TECTA: variants seen among roughly 807,000 people sequenced by gnomAD.
TECTA encodes tectorin alpha, also known as alpha-tectorin.
A neutral mutation model predicts 216.8 loss-of-function variants in TECTA; 128 were observed. The ratio of observed to expected loss-of-function variants is 0.59; its 90% CI spans 0.51 to 0.68. The LOEUF is 0.68. TECTA is among the 30% of genes least tolerant of loss of function. The pLI, the probability that TECTA is intolerant of heterozygous loss-of-function variation, is 0.00. For missense variants in TECTA, 2,551 were observed against 2,786.2 expected, an observed-to-expected ratio of 0.92 and a Z score of 1.90; for synonymous variants, 1,089 against 1,117.1, an observed-to-expected ratio of 0.97 and a Z score of 0.50.
chr11:121,115,612 G>A (rs1429903022), intron 6 of TECTA, among the ~76,000 whole-genome samples: 4 of 152,058 alleles, frequency 2.6e-5, no homozygotes, highest in African/African-American at 9.7e-5. Context: ...GGAGGCCTCG[G>A]GGTTCTTTCT....
intron 20 of TECTA, among the ~76,000 whole-genome samples, chr11:121,174,990 T>A (rs921807037): frequency 6.6e-6 from 1 of 152,210 alleles, no homozygotes; most frequent in Admixed American, 6.5e-5. Flanking sequence ...GAGCTGTTTG[T>A]AGTATTCTCT....
In TECTA at chr11:121,168,255, A is replaced by C. The variant is rs56093417; in HGVS notation, c.5750+38A>C. The C allele has an allele frequency of 4.2e-3, 6,844 of 1,613,218 alleles. 32 individuals carry two copies. Among genetic ancestry groups the C allele is most frequent in the Middle Eastern group, 9.6e-3 (58 of 6,014 alleles). On this transcript the variant is annotated intron_variant, in intron 19 of 23. Transcript: ENST00000392793. ...CTGGGCTGTGCACATTGCTTTTTCTATTCCTTGACAGTTAAGGTTAGCATA... is the reference window on the plus strand; with the variant it reads ...CTGGGCTGTGCACATTGCTTTTTCTCTTCCTTGACAGTTAAGGTTAGCATA...
intron 10 of TECTA, among the ~76,000 whole-genome samples, chr11:121,131,039 CCT>C (rs1483057696): frequency 6.6e-6 from 1 of 151,392 alleles, no homozygotes; most frequent in African/African-American, 2.4e-5. Flanking sequence ...ATGGGGAAAC[CCT>C]GTCTCTACTA....
chr11:121,146,538 A>G (rs931519862), intron 12 of TECTA, among the ~76,000 whole-genome samples: 17 of 152,206 alleles, frequency 1.1e-4, no homozygotes, highest in African/African-American at 4.1e-4. Context: ...TTTGATTCAT[A>G]TATGTCATGT....
rs150540933 is a variant in TECTA, at chr11:121,106,265, C to T, written c.198+301C>T. On this transcript the variant is annotated intron_variant, in intron 3 of 23. Transcript: ENST00000392793. ...CATGAATGTTATTTCTGCTACTCAA[C>T]GAGATAAAAAGATACAATGAACCAC... Among the ~76,000 whole-genome samples, 280 of 152,268 alleles carry T rather than the reference C, an allele frequency of 1.8e-3. 1 individual carries two copies. The highest frequency in any genetic ancestry group is 6.1e-3 in the African/African-American group (255 of 41,542).
chr11:121,128,904 C>T (rs940675844), intron 9 of TECTA, among the ~76,000 whole-genome samples: 1 of 152,188 alleles, frequency 6.6e-6, no homozygotes, highest in Non-Finnish European at 1.5e-5. Context: ...CTTATAGATC[C>T]TTAGCTCTAG....
In TECTA at chr11:121,145,882, G is replaced by A; in HGVS notation, c.3871G>A (p.Val1291Met). The change falls in exon 12 of 24, where the codon GTG (valine) becomes ATG (methionine). Residue 1291 changes from valine to methionine, a missense_variant. By Grantham distance (21) the Val-to-Met change is conservative (BLOSUM62 1). This residue lies in a region of TECTA where 2,375 missense variants were observed against 2,563.9 expected (regional missense o/e 0.93). Coordinates refer to ENST00000392793, the MANE Select transcript of TECTA (RefSeq NM_005422.4). ...GGACCGCTGTCCGTCCTGTGCCAAGGTGGAAGGTTTCTCCAAAGTGCAGCA... is the reference window on the plus strand; with the variant it reads ...GGACCGCTGTCCGTCCTGTGCCAAGATGGAAGGTTTCTCCAAAGTGCAGCA... ...CGDRCPSCAK[V>M]EGFSKVQQLC... is the part of the protein sequence containing the mutation. 2 of 1,614,256 alleles carry A rather than the reference G, an allele frequency of 1.2e-6. No homozygotes were observed. Among genetic ancestry groups the A allele is most frequent in the Non-Finnish European group, 1.7e-6 (2 of 1,180,050 alleles).
chr11:121,152,236 T>G (rs1315634117), intron 12 of TECTA, among the ~76,000 whole-genome samples: 2 of 152,226 alleles, frequency 1.3e-5, no homozygotes, highest in Non-Finnish European at 2.9e-5. Flanking sequence ...CACACACCCA[T>G]GCATGCCAGC....
In TECTA at chr11:121,191,140, A is replaced by G. The variant is rs1279500799; in HGVS notation, c.*334A>G. The G allele has an allele frequency of 3.0e-6, 1 of 331,572 alleles. No homozygotes were observed. The highest frequency in any genetic ancestry group is 5.8e-6 in the Non-Finnish European group (1 of 171,758). 20.5% of individuals were successfully genotyped at this position (331,572 alleles called of 1,614,324 possible). On this transcript the variant is annotated 3_prime_UTR_variant, in exon 24 of 24. Coordinates refer to ENST00000392793, the MANE Select transcript of TECTA (RefSeq NM_005422.4). ...AATCTGACTGGAAATCTGACCAGAG[A>G]AATCTGTCAAGCCAGTGCTATTTCT... is the stretch of plus-strand genomic sequence containing the variant.
In TECTA at chr11:121,127,408, C is replaced by T. The variant is rs572952553; in HGVS notation, c.1775-344C>T. Among the ~76,000 whole-genome samples, 10 of 152,088 alleles carry T rather than the reference C, an allele frequency of 6.6e-5. No homozygotes were observed. The highest frequency in any genetic ancestry group is 2.4e-4 in the African/African-American group (10 of 41,482). On this transcript the variant is annotated intron_variant, in intron 8 of 23. Transcript: ENST00000392793. The surrounding 1 kb of genome is among the most constrained non-coding windows in gnomAD (Gnocchi z 5.0). ...TTAAAATCAGATCAATTTATATGTC[C>T]ATCAGTGGAAGGTCTTAAAATATCT... is the stretch of plus-strand genomic sequence containing the variant.
rs913120299 is a variant in TECTA at position 121,112,991 on chromosome 11, G to C, written c.487-81G>C. On this transcript the variant is annotated intron_variant, in intron 4 of 23. Coordinates refer to ENST00000392793, the MANE Select transcript of TECTA (RefSeq NM_005422.4). ...TGAGCTGCCTGTGGGTGGGGAGGGCGCAGGGTGAAGGGAGGACCTCCTTGG... is the reference window on the plus strand; with the variant it reads ...TGAGCTGCCTGTGGGTGGGGAGGGCCCAGGGTGAAGGGAGGACCTCCTTGG... The C allele has an allele frequency of 6.4e-6, 10 of 1,572,856 alleles. No individual in the cohort carries two copies. In the African/African-American group the frequency reaches 1.2e-4, roughly 19 times the overall value.
Position 121,166,863 on chromosome 11 carries a change from C to T in TECTA, c.5586+83C>T, listed in dbSNP as rs762640574. 5.3e-6 allele frequency: 8 copies of T among 1,500,110 alleles called. No individual in the cohort carries two copies. In the South Asian group the frequency reaches 9.2e-5, roughly 17 times the overall value. 92.9% of individuals were successfully genotyped at this position (1,500,110 alleles called of 1,614,324 possible). On this transcript the variant is annotated intron_variant, in intron 18 of 23. Coordinates refer to ENST00000392793, the MANE Select transcript of TECTA (RefSeq NM_005422.4). ...GCACATTTATTGTCCTGAAAACCAA[C>T]TTCAGGGTGATCTGCTTAGAAATAT...
chr11:121,106,276 G>C (rs1946389519), intron 3 of TECTA, among the ~76,000 whole-genome samples: 1 of 152,176 alleles, frequency 6.6e-6, no homozygotes, highest in African/African-American at 2.4e-5. Context: ...GAGATAAAAA[G>C]ATACAATGAA....
In TECTA at chr11:121,191,249, T is replaced by G. The variant is rs1022038259; in HGVS notation, c.*443T>G. 1.8e-5 allele frequency: 5 copies of G among 271,028 alleles called. No homozygotes were observed. Among genetic ancestry groups the G allele is most frequent in the African/African-American group, 1.1e-4 (5 of 45,064 alleles). The allele number at this position is 271,028 out of a possible 1,614,324, so 16.8% of individuals were successfully genotyped here. ...AAGGTTTGACTCCCTCTAAGGAATC[T>G]TGCTGGTGTTTGGAAGTGTCCGATC... On this transcript the variant is annotated 3_prime_UTR_variant, in exon 24 of 24. Coordinates refer to ENST00000392793, the MANE Select transcript of TECTA (RefSeq NM_005422.4).
At chr11:121,184,151 T>C (rs780415557) in intron 20 of TECTA, among the ~76,000 whole-genome samples, 1 of 152,200 alleles carries the variant, frequency 6.6e-6, no homozygotes, top group Non-Finnish European at 1.5e-5. Flanking sequence ...TAGAGACCCA[T>C]TCAAACTAGT....
rs369393738 is a variant in TECTA at position 121,105,844 on chromosome 11, G to A, written c.78G>A (p.Glu26=). Residue 26 remains glutamate (E), a synonymous_variant, in exon 3 of 24, where the codon GAG becomes GAA. Transcript: ENST00000392793. The surrounding 1 kb of genome is among the most constrained non-coding windows in gnomAD (Gnocchi z 5.3). ...ALVQHQAQPR[E]LMYPFWQNDT... ...CTCTCTTGACAGCTCAGCCCAGGGA[G>A]CTCATGTATCCATTTTGGCAGAATG... 1 of 1,614,160 alleles carries A rather than the reference G, an allele frequency of 6.2e-7. No homozygotes were observed. Among genetic ancestry groups the A allele is most frequent in the Non-Finnish European group, 8.5e-7 (1 of 1,180,026 alleles).
intron 13 of TECTA, among the ~76,000 whole-genome samples, chr11:121,154,344 G>A (rs1946921328): frequency 6.6e-6 from 1 of 152,296 alleles, no homozygotes; most frequent in East Asian, 1.9e-4. Flanking sequence ...AGAAAGACAG[G>A]GAGGAAGTAA....
In TECTA at chr11:121,113,198, GT is replaced by G; in HGVS notation, c.614del (p.Val205GlyfsTer27). ...GGDPLTGLGG[V>X]MAQAGFNGGN... is the part of the protein sequence containing the mutation. ...CGACCCCCTGACAGGTCTTGGTGGA[GT>G]GATGGCACAGGTAGGTGGCTCTCCA... On this transcript the variant is annotated frameshift_variant, in exon 5 of 24. Coordinates refer to ENST00000392793, the MANE Select transcript of TECTA (RefSeq NM_005422.4). LOFTEE classifies it high-confidence loss of function. The surrounding 1 kb of genome is among the most constrained non-coding windows in gnomAD (Gnocchi z 4.2). 6.2e-7 allele frequency: 1 copy of G among 1,614,058 alleles called. No homozygotes were observed. Among genetic ancestry groups the G allele is most frequent in the South Asian group, 1.1e-5 (1 of 91,062 alleles).
At chr11:121,139,234 A>G (rs1946760420) in intron 11 of TECTA, among the ~76,000 whole-genome samples, 1 of 152,334 alleles carries the variant, frequency 6.6e-6, no homozygotes, top group Non-Finnish European at 1.5e-5. Flanking sequence ...TCCAGTAGCC[A>G]TTATTACATT....
Sources: gnomAD v4.1 joint callset for allele counts (sites outside exome capture counted in the v4.1 genomes callset) on GRCh38, gnomAD v4.1.1 for gene constraint, gnomAD v4.1.1 regional missense constraint, Gnocchi (gnomAD v3.1) non-coding constraint, MANE v1.5 for transcripts, NCBI Gene and HGNC (gene_info 2026-07-23, HGNC 2026-07-21) for gene names.